The following ME1 variants were observed in gnomAD, a reference collection of about 807,000 sequenced individuals.
ME1 encodes the protein NADP-dependent malic enzyme.
In ME1, 74 loss-of-function variants were observed where a neutral mutation model predicts 66.4. That is an observed-to-expected ratio of 1.11 (90% confidence interval 0.92 to 1.35). The LOEUF (loss-of-function observed/expected upper bound fraction) is 1.35, where lower values mean the gene tolerates loss of function less well. Ranked by LOEUF, ME1 falls within the 40% of genes most tolerant of loss-of-function variation. The probability of loss-of-function intolerance (pLI) is 0.00; values close to 1 mark genes in which losing one functional copy is unlikely to be tolerated. For missense variants in ME1, 750 were observed against 694.1 expected, an observed-to-expected ratio of 1.08 and a Z score of -0.90; for synonymous variants, 251 against 235.6, an observed-to-expected ratio of 1.07 and a Z score of -0.60.
intron 3 of ME1, among the ~76,000 whole-genome samples, chr6:83,394,851 T>C (rs1223915244): frequency 1.3e-5 from 2 of 152,178 alleles, no homozygotes; most frequent in Non-Finnish European, 2.9e-5. Context: ...AATGAATAAG[T>C]AGTGCTAGAA....
At chr6:83,235,043 T>C (rs1790373029) in intron 9 of ME1, among the ~76,000 whole-genome samples, 1 of 152,202 alleles carries the variant, frequency 6.6e-6, no homozygotes. Context: ...GAACTTGCCA[T>C]CATATTTCCT....
At chr6:83,250,689 G>A (rs1227543811) in intron 7 of ME1, among the ~76,000 whole-genome samples, 1 of 152,222 alleles carries the variant, frequency 6.6e-6, no homozygotes, top group Non-Finnish European at 1.5e-5. Flanking sequence ...GCCTTCAAAT[G>A]TGCTCCAATT....
At chr6:83,289,483 C>T (rs1286115959) in intron 6 of ME1, among the ~76,000 whole-genome samples, 1 of 152,200 alleles carries the variant, frequency 6.6e-6, no homozygotes, top group Non-Finnish European at 1.5e-5. Context: ...ACCAGACTTG[C>T]ATCCCAGCGA....
At chr6:83,217,707 C>G (rs1374479252) in intron 12 of ME1, among the ~76,000 whole-genome samples, 2 of 152,084 alleles carry the variant, frequency 1.3e-5, no homozygotes, top group Non-Finnish European at 2.9e-5. Flanking sequence ...TGGAGTTAGA[C>G]AAACAGAAAG....
intron 5 of ME1, 57 bp from the exon 6 acceptor site, chr6:83,315,470 G>T: frequency 9.8e-7 from 1 of 1,022,926 alleles, no homozygotes; most frequent in Non-Finnish European, 1.5e-6. Context: ...CATTTATTGA[G>T]CCTCAGTTTC....
At chr6:83,394,144 A>G (rs1173676672) in intron 3 of ME1, among the ~76,000 whole-genome samples, 1 of 152,016 alleles carries the variant, frequency 6.6e-6, no homozygotes, top group Non-Finnish European at 1.5e-5. Context: ...AATTAACAGT[A>G]AATTCTAACT....
chr6:83,275,621 C>T (rs554899883), intron 6 of ME1, among the ~76,000 whole-genome samples: 10 of 148,708 alleles, frequency 6.7e-5, no homozygotes, highest in Non-Finnish European at 1.0e-4. Context: ...GCCGCCACCA[C>T]GCCTGGCTAA....
chr6:83,397,987 A>C (rs1769769449), intron 3 of ME1, among the ~76,000 whole-genome samples: 1 of 152,126 alleles, frequency 6.6e-6, no homozygotes, highest in African/African-American at 2.4e-5. Context: ...AGGTAGGGGG[A>C]GCGGGTTGCG....
intron 3 of ME1, among the ~76,000 whole-genome samples, chr6:83,384,334 A>AT (rs561748348): frequency 6.6e-6 from 1 of 151,142 alleles, no homozygotes; most frequent in East Asian, 1.9e-4. Flanking sequence ...CCAACATCTG[A>AT]TTTTTTTTAA....
intron 7 of ME1, among the ~76,000 whole-genome samples, chr6:83,247,391 C>T (rs183620995): frequency 1.1e-4 from 16 of 151,958 alleles, no homozygotes; most frequent in African/African-American, 3.6e-4. Context: ...AATGAGAATG[C>T]ATTCATGTCT....
intron 12 of ME1, among the ~76,000 whole-genome samples, chr6:83,220,640 T>C (rs1207329953): frequency 6.6e-6 from 1 of 152,220 alleles, no homozygotes; most frequent in African/African-American, 2.4e-5. Flanking sequence ...GTTACTTTTG[T>C]TAACTACAAA....
At chr6:83,232,836 T>C (rs1256028145) in intron 9 of ME1, among the ~76,000 whole-genome samples, 1 of 152,166 alleles carries the variant, frequency 6.6e-6, no homozygotes, top group Admixed American at 6.5e-5. Context: ...ACATACAATA[T>C]ACCTTTATTG....
At chr6:83,354,038 CCTCT>C (rs1768843951) in intron 3 of ME1, among the ~76,000 whole-genome samples, 1 of 152,284 alleles carries the variant, frequency 6.6e-6, no homozygotes, top group East Asian at 1.9e-4. Flanking sequence ...GCCTCCTCCT[CCTCT>C]CTGTCTTCTT....
chr6:83,322,144 C>T (rs754086894), intron 5 of ME1, among the ~76,000 whole-genome samples: 8 of 152,118 alleles, frequency 5.3e-5, no homozygotes, highest in African/African-American at 1.2e-4. Flanking sequence ...AAACCCCACG[C>T]GAAGGTCACC....
At chr6:83,231,730 A>T (rs970053958) in intron 9 of ME1, among the ~76,000 whole-genome samples, 2 of 152,034 alleles carry the variant, frequency 1.3e-5, no homozygotes, top group African/African-American at 4.8e-5. Flanking sequence ...TTTTCCCTTC[A>T]TTCTCCCTTT....
At chr6:83,326,001 T>C (rs1768283043) in intron 5 of ME1, among the ~76,000 whole-genome samples, 2 of 144,956 alleles carry the variant, frequency 1.4e-5, no homozygotes, top group South Asian at 2.2e-4. Context: ...CTTCAAACTA[T>C]ACTACAAGGC....
intron 7 of ME1, among the ~76,000 whole-genome samples, chr6:83,251,853 T>G (rs565378156): frequency 9.2e-5 from 14 of 152,154 alleles, no homozygotes. Context: ...TCAAATTATT[T>G]TGAGGAAGAA....
chr6:83,224,805 A>T (rs1038272061), intron 11 of ME1, among the ~76,000 whole-genome samples: 1 of 150,686 alleles, frequency 6.6e-6, no homozygotes, highest in Non-Finnish European at 1.5e-5. Context: ...AGGAAGAAGA[A>T]GATTAAGTTA....
intron 12 of ME1, among the ~76,000 whole-genome samples, chr6:83,223,553 T>A (rs1790131458): frequency 6.6e-6 from 1 of 152,192 alleles, no homozygotes; most frequent in African/African-American, 2.4e-5. Context: ...AAAACACAAT[T>A]TTTCTAATGA....
Sources: gnomAD v4.1 joint callset for allele counts (sites outside exome capture counted in the v4.1 genomes callset) on GRCh38, gnomAD v4.1.1 for gene constraint, MANE v1.5 for transcripts, NCBI Gene and HGNC (gene_info 2026-07-23, HGNC 2026-07-21) for gene names.